Variants in MACF1 observed in about 807,000 individuals in gnomAD.
The protein encoded by MACF1 is microtubule actin crosslinking factor 1.
A neutral mutation model predicts 854.8 loss-of-function variants in MACF1; 193 were observed. The observed-to-expected ratio is 0.23, with a 90% CI of 0.20 to 0.25. The LOEUF is 0.25. Ranked by LOEUF, MACF1 falls within the 10% of genes least tolerant of loss-of-function variation. The pLI is 1.00. For missense variants in MACF1, 7,722 were observed against 8,929.1 expected (o/e 0.86, Z 5.45); for synonymous variants, 3,185 against 3,226.7 (o/e 0.99, Z 0.44).
At chr1:39,357,978 G>A (rs1647736427) in intron 45 of MACF1, 85 bp downstream of exon 45, 24 of 1,362,744 alleles carry the variant, frequency 1.8e-5, no homozygotes, top group Non-Finnish European at 2.3e-5. Context: ...CTCAGAATAA[G>A]AACTCCAGGA....
intron 6 of MACF1, among the ~76,000 whole-genome samples, chr1:39,273,131 ATTTTTTTT>A (rs561821846): frequency 3.0e-4 from 36 of 120,460 alleles, no homozygotes; most frequent in African/African-American, 8.0e-4. Flanking sequence ...CTCTATACCA[ATTTTTTTT>A]TTTTTTTTTT....
intron 2 of MACF1, among the ~76,000 whole-genome samples, chr1:39,178,180 TC>T (rs1325170655): frequency 3.2e-3 from 121 of 37,430 alleles, no homozygotes; most frequent in African/African-American, 0.013. Flanking sequence ...TTTTCAACAT[TC>T]TTTTTTTTTT....
chr1:39,320,705 T>C lies in MACF1; in HGVS notation c.4029+958T>C, dbSNP rs569545506. Reference sequence around the variant, plus strand: ...ACTTGAGGCCAGGTGTGGTGGCTTATACCTGTAATCCCTGCACTTTAGGAG... The same window carrying C: ...ACTTGAGGCCAGGTGTGGTGGCTTACACCTGTAATCCCTGCACTTTAGGAG... On this transcript the variant is annotated intron_variant, in intron 31 of 100. Transcript: ENST00000564288. Among the ~76,000 whole-genome samples, 25 of 152,300 alleles carry C rather than the reference T, an allele frequency of 1.6e-4. No homozygotes were observed. The South Asian group carries it at 5.2e-3, about 32-fold the overall frequency.
chr1:39,336,598 C>A lies in MACF1; in HGVS notation c.10010C>A (p.Ala3337Glu). ...PGSEQTPFMTAPEGKGNGGVN... is the reference protein window; with the variant it reads ...PGSEQTPFMTEPEGKGNGGVN... Reference sequence around the variant, plus strand: ...AGTGAACAAACTCCCTTCATGACTGCACCTGAAGGAAAGGGAAATGGAGGT... The same window carrying A: ...AGTGAACAAACTCCCTTCATGACTGAACCTGAAGGAAAGGGAAATGGAGGT... The change falls in exon 37 of 101, where the codon GCA becomes GAA. Residue 3337 changes from alanine (A) to glutamate (E), a missense_variant. By Grantham distance (107) the Ala-to-Glu change is moderately radical. Coordinates refer to ENST00000564288, the MANE Select transcript of MACF1 (RefSeq NM_001394062.1). 6.2e-7 allele frequency: 1 copy of A among 1,613,734 alleles called. No homozygotes were observed. The highest frequency in any genetic ancestry group is 8.5e-7 in the Non-Finnish European group (1 of 1,179,954).
chr1:39,410,720 T>A (rs776263715), intron 58 of MACF1: 4 of 1,613,910 alleles, frequency 2.5e-6, no homozygotes, highest in Non-Finnish European at 2.5e-6. Flanking sequence ...GAAGCTTCTC[T>A]CAGTGAGGTT....
chr1:39,430,864 C>G lies in MACF1; in HGVS notation c.17293C>G (p.Gln5765Glu). 1 of 1,612,544 alleles carries G rather than the reference C, an allele frequency of 6.2e-7. No homozygotes were observed. The highest frequency in any genetic ancestry group is 8.5e-7 in the Non-Finnish European group (1 of 1,179,986). ...CAAACTAGTCAGTGACACTATTGGA[C>G]AAAGGGTGGATGAAATTGATGCTGC... Reference protein sequence around the residue: ...QYKLVSDTIGQRVDEIDAAIQ... With the variant: ...QYKLVSDTIGERVDEIDAAIQ... Residue 5765 changes from glutamine to glutamate, a missense_variant, in exon 66 of 101, where the codon CAA becomes GAA. By Grantham distance (29) the Gln-to-Glu change is conservative. Around this residue, in one of 15 missense-constraint regions of MACF1, gnomAD observed 2,807 missense variants for 3,235.8 expected, o/e 0.87. Coordinates refer to ENST00000564288, the MANE Select transcript of MACF1 (RefSeq NM_001394062.1).
At chr1:39,354,072 T>C (rs1647314944) in intron 44 of MACF1, among the ~76,000 whole-genome samples, 1 of 152,210 alleles carries the variant, frequency 6.6e-6, no homozygotes, top group African/African-American at 2.4e-5. Flanking sequence ...TGGTTAACTC[T>C]CCTCTCAGCC....
intron 51 of MACF1, among the ~76,000 whole-genome samples, chr1:39,371,335 AAAAAAG>A (rs1453310874): frequency 1.3e-5 from 2 of 151,804 alleles, no homozygotes; most frequent in Non-Finnish European, 2.9e-5. Flanking sequence ...AAAAAAAAAA[AAAAAAG>A]AGTGATTAAT....
In MACF1 at chr1:39,387,807, C is replaced by G. The variant is rs1641862548; in HGVS notation, c.14965C>G (p.Gln4989Glu). 6.2e-7 allele frequency: 1 copy of G among 1,614,098 alleles called. No individual in the cohort carries two copies. Among genetic ancestry groups the G allele is most frequent in the Non-Finnish European group, 8.5e-7 (1 of 1,180,040 alleles). Residue 4989 changes from glutamine (Q) to glutamate (E), a missense_variant, in exon 58 of 101, where the codon CAG becomes GAG. Around this residue, in one of 15 missense-constraint regions of MACF1, gnomAD observed 2,807 missense variants for 3,235.8 expected, o/e 0.87. Transcript: ENST00000564288. ...GIRDEKAGIN[Q>E]NMDAVTEELQ... ...CCGGGATGAGAAGGCTGGGATCAAC[C>G]AGAACATGGATGCTGTTACAGAAGA...
intron 35 of MACF1, among the ~76,000 whole-genome samples, chr1:39,326,554 A>G (rs978800049): frequency 5.3e-5 from 8 of 151,756 alleles, no homozygotes; most frequent in African/African-American, 1.9e-4. Flanking sequence ...GGTGGCGGGC[A>G]CGTGTAATCC....
intron 6 of MACF1, among the ~76,000 whole-genome samples, chr1:39,263,449 A>C (rs1182928012): frequency 6.6e-6 from 1 of 152,156 alleles, no homozygotes; most frequent in Non-Finnish European, 1.5e-5. Context: ...AAATACTCGG[A>C]AGAGTATATA....
intron 61 of MACF1, among the ~76,000 whole-genome samples, chr1:39,426,040 C>A (rs1643715882): frequency 6.6e-6 from 1 of 151,940 alleles, no homozygotes; most frequent in Admixed American, 6.6e-5. Context: ...AATCTTATTA[C>A]AATAAATTCT....
chr1:39,136,873 G>A (rs1431007490), intron 2 of MACF1, among the ~76,000 whole-genome samples: 2 of 152,092 alleles, frequency 1.3e-5, no homozygotes, highest in Admixed American at 6.6e-5. Context: ...ATAAAGACAA[G>A]CGTGAGAGTG....
chr1:39,362,578 C>T (rs1648290801), intron 49 of MACF1, among the ~76,000 whole-genome samples: 3 of 152,206 alleles, frequency 2.0e-5, no homozygotes, highest in East Asian at 1.9e-4. Flanking sequence ...CAAATGTGGT[C>T]GGTGGGAGCC....
chr1:39,154,194 A>C (rs1643637488), intron 2 of MACF1: 1 of 152,194 alleles, frequency 6.6e-6, no homozygotes, highest in Non-Finnish European at 1.5e-5. Flanking sequence ...GAATCTGAGG[A>C]GACACTGCCA....
chr1:39,305,128 G>A lies in MACF1; in HGVS notation c.2789+2050G>A, dbSNP rs1168134922. On this transcript the variant is annotated intron_variant, in intron 23 of 100. Transcript: ENST00000564288. The stretch of plus-strand genomic sequence containing the variant: ...TACAGACAATTAGCCTGGCGTGGTG[G>A]TGCATGACTGTGGTCCCAGCTACTT... 3.3e-5 allele frequency among the ~76,000 whole-genome samples: 5 copies of A among 151,380 alleles called. No individual in the cohort carries two copies. The East Asian group carries it at 7.9e-4, about 24-fold the overall frequency.
chr1:39,260,709 G>A (rs911102161), intron 6 of MACF1, among the ~76,000 whole-genome samples: 2 of 151,840 alleles, frequency 1.3e-5, no homozygotes, highest in African/African-American at 4.8e-5. Context: ...GGCAATACTT[G>A]TATTATCTCT....
In MACF1 at chr1:39,333,127, C is replaced by T. The variant is rs768930364; in HGVS notation, c.6539C>T (p.Thr2180Ile). The T allele has an allele frequency of 6.2e-7, 1 of 1,614,098 alleles. No individual in the cohort carries two copies. Among genetic ancestry groups the T allele is most frequent in the Non-Finnish European group, 8.5e-7 (1 of 1,180,028 alleles). The change falls in exon 37 of 101, where the codon ACT becomes ATT. Residue 2180 changes from threonine (T) to isoleucine (I), a missense_variant. Around this residue, in one of 15 missense-constraint regions of MACF1, gnomAD observed 1,531 missense variants for 1,601.6 expected, o/e 0.96. Coordinates refer to ENST00000564288, the MANE Select transcript of MACF1 (RefSeq NM_001394062.1). ...CQNEQAHTLE[T>I]EYIHDETGGS... ...AATGAACAAGCACACACTCTTGAGA[C>T]TGAATATATTCATGATGAAACTGGA... is the stretch of plus-strand genomic sequence containing the variant.
chr1:39,289,446 A>G (rs1398783478), intron 15 of MACF1, among the ~76,000 whole-genome samples: 1 of 152,096 alleles, frequency 6.6e-6, no homozygotes, highest in Non-Finnish European at 1.5e-5. Flanking sequence ...CTGGGGTGAG[A>G]TGATATCACA....
Sources: allele counts gnomAD v4.1 joint callset (sites outside exome capture counted in the v4.1 genomes callset), GRCh38; gene constraint gnomAD v4.1.1; regional missense constraint gnomAD v4.1.1; transcripts MANE v1.5; gene names NCBI Gene and HGNC (gene_info 2026-07-23, HGNC 2026-07-21).